ZGPAT: variants seen among roughly 807,000 people sequenced by gnomAD.
ZGPAT encodes zinc finger CCCH-type with G patch domain-containing protein.
A neutral mutation model predicts 47.9 loss-of-function variants in ZGPAT; 39 were observed. The observed-to-expected ratio is 0.81, with a 90% CI of 0.63 to 1.06. ZGPAT has a LOEUF of 1.06. Ranked by LOEUF, ZGPAT falls within the 50% of genes least tolerant of loss-of-function variation. The probability of loss-of-function intolerance (pLI) is 0.00; values close to 1 mark genes in which losing one functional copy is unlikely to be tolerated. For missense variants in ZGPAT, 717 were observed against 681.4 expected (o/e 1.05, Z -0.58); for synonymous variants, 348 against 292.9 (o/e 1.19, Z -1.92).
In ZGPAT at chr20:63,734,841, C is replaced by T; in HGVS notation, c.991+17C>T. 2 of 1,562,674 alleles carry T rather than the reference C, an allele frequency of 1.3e-6. No homozygotes were observed. The highest frequency in any genetic ancestry group is 1.7e-6 in the Non-Finnish European group (2 of 1,152,510). ...TTGGCAAGGGTGAGTACAAGCTGCC[C>T]TGGAGAAGTGGGCAGGCTGCTGCAG... is the stretch of plus-strand genomic sequence containing the variant. On this transcript the variant is annotated intron_variant, in intron 5 of 6. Coordinates refer to ENST00000355969, the MANE Select transcript of ZGPAT (RefSeq NM_181485.3).
At chr20:63,709,930 G>A (rs1461854144) in intron 2 of ZGPAT, among the ~76,000 whole-genome samples, 32 of 150,744 alleles carry the variant, frequency 2.1e-4, no homozygotes. Flanking sequence ...GCGTGATCTC[G>A]GCTCACTGCA....
At chr20:63,716,872 G>C (rs932536129) in intron 2 of ZGPAT, among the ~76,000 whole-genome samples, 1 of 152,126 alleles carries the variant, frequency 6.6e-6, no homozygotes, top group Non-Finnish European at 1.5e-5. Context: ...AGTAGAGATG[G>C]GATTTCACCA....
At chr20:63,733,969 G>A in intron 4 of ZGPAT, 1 of 584,572 alleles carries the variant, frequency 1.7e-6, no homozygotes, top group Admixed American at 3.4e-5. Flanking sequence ...GGAGGCCATG[G>A]TCGTGGCTGT....
intron 2 of ZGPAT, chr20:63,730,360 T>A (rs1429581108): frequency 6.6e-6 from 1 of 152,152 alleles, no homozygotes; most frequent in Non-Finnish European, 1.5e-5. Context: ...TGGGGAGGTG[T>A]ACGAGGCCAC....
chr20:63,711,655 A>G (rs1413006885), intron 2 of ZGPAT, among the ~76,000 whole-genome samples: 3 of 151,288 alleles, frequency 2.0e-5, no homozygotes, highest in East Asian at 3.9e-4. Context: ...CTAGAGTACA[A>G]TGGCATGACC....
intron 2 of ZGPAT, among the ~76,000 whole-genome samples, chr20:63,732,861 TATATGCGC>T (rs2091932995): frequency 6.6e-6 from 1 of 152,106 alleles, no homozygotes; most frequent in South Asian, 2.1e-4. Flanking sequence ...TGTACATGTG[TATATGCGC>T]GTGTGCGTAT....
chr20:63,734,201 T>TGTGTGC (rs749951682), intron 4 of ZGPAT: 9 of 265,272 alleles, frequency 3.4e-5, no homozygotes, highest in South Asian at 1.5e-4. Context: ...GAGGGGTGTG[T>TGTGTGC]GTATGCGTGT....
chr20:63,717,184 T>C (rs941292054), intron 2 of ZGPAT, among the ~76,000 whole-genome samples: 2 of 152,176 alleles, frequency 1.3e-5, no homozygotes, highest in Non-Finnish European at 2.9e-5. Flanking sequence ...GTTGCTGATC[T>C]CTATTGTTTT....
intron 2 of ZGPAT, among the ~76,000 whole-genome samples, chr20:63,713,475 C>T (rs1403476361): frequency 6.6e-6 from 1 of 151,748 alleles, no homozygotes; most frequent in African/African-American, 2.4e-5. Context: ...AGGTGATCTG[C>T]CTGCCTCGGC....
intron 2 of ZGPAT, among the ~76,000 whole-genome samples, chr20:63,713,381 C>A (rs1045775074): frequency 6.6e-6 from 1 of 151,936 alleles, no homozygotes; most frequent in Non-Finnish European, 1.5e-5. Context: ...CAGGTGCCTG[C>A]CACCACGCCC....
Position 63,708,797 on chromosome 20 carries a change from C to T in ZGPAT, c.217C>T (p.Arg73Cys). The change falls in exon 2 of 7, where the codon CGC becomes TGC. Residue 73 changes from arginine to cysteine, a missense_variant. Coordinates refer to ENST00000355969, the MANE Select transcript of ZGPAT (RefSeq NM_181485.3). ...CGCGCTGGACGAAGAGCGCCCGGGC[C>T]GCCAGGAAGATGCTGAGTACCAGGC... is the stretch of plus-strand genomic sequence containing the variant. Reference protein sequence around the residue: ...LAALDEERPGRQEDAEYQAFR... With the variant: ...LAALDEERPGCQEDAEYQAFR... 1 of 1,605,404 alleles carries T rather than the reference C, an allele frequency of 6.2e-7. No homozygotes were observed. The highest frequency in any genetic ancestry group is 8.5e-7 in the Non-Finnish European group (1 of 1,174,186).
At chr20:63,730,791 C>G (rs1173563721) in intron 2 of ZGPAT, among the ~76,000 whole-genome samples, 1 of 152,114 alleles carries the variant, frequency 6.6e-6, no homozygotes, top group Non-Finnish European at 1.5e-5. Flanking sequence ...CCCTCAGTTG[C>G]TTTTGTGGGG....
chr20:63,733,099 C>T (rs558380338), intron 2 of ZGPAT, 120 bp from the exon 3 acceptor site: 84 of 1,313,664 alleles, frequency 6.4e-5, no homozygotes, highest in South Asian at 4.4e-4. Flanking sequence ...TGTATGTATA[C>T]GCACGCGTGT....
At chr20:63,720,316 T>A (rs1370577250) in intron 2 of ZGPAT, among the ~76,000 whole-genome samples, 1 of 152,086 alleles carries the variant, frequency 6.6e-6, no homozygotes, top group African/African-American at 2.4e-5. Context: ...CCACCACTCC[T>A]GGCTAATTTT....
chr20:63,733,105 CGTGT>C (rs1046537977), intron 2 of ZGPAT, 110 bp from the exon 3 acceptor site: 5 of 1,387,608 alleles, frequency 3.6e-6, no homozygotes, highest in South Asian at 1.3e-5. Context: ...TATACGCACG[CGTGT>C]GTGTCTGTCT....
Position 63,708,079 on chromosome 20 carries a change from G to C in ZGPAT, c.-68G>C, listed in dbSNP as rs2091585332. 6.6e-6 allele frequency: 1 copy of C among 152,094 alleles called. No individual in the cohort carries two copies. Among genetic ancestry groups the C allele is most frequent in the African/African-American group, 2.4e-5 (1 of 41,438 alleles). 9.4% of individuals were successfully genotyped at this position (152,094 alleles called of 1,614,324 possible). A position where few individuals can be genotyped will look rare whatever the true frequency, so the allele number is the denominator to read the frequency against. ...GGCGCTCGGGAGGAAGTGCCGATCG[G>C]CTGCTGGGGCGAAAAGGGGGCGCCG... On this transcript the variant is annotated 5_prime_UTR_variant, in exon 1 of 7. Coordinates refer to ENST00000355969, the MANE Select transcript of ZGPAT (RefSeq NM_181485.3).
intron 2 of ZGPAT, among the ~76,000 whole-genome samples, chr20:63,710,005 C>T (rs1264269626): frequency 1.3e-5 from 2 of 151,900 alleles, no homozygotes; most frequent in African/African-American, 2.4e-5. Flanking sequence ...GGACTACAGG[C>T]GCCCGCCACC....
chr20:63,716,829 G>C (rs2091734221), intron 2 of ZGPAT, among the ~76,000 whole-genome samples: 1 of 152,078 alleles, frequency 6.6e-6, no homozygotes, highest in Non-Finnish European at 1.5e-5. Flanking sequence ...CTATAGGCGT[G>C]CACCACCACG....
At chr20:63,713,994 C>T (rs904241792) in intron 2 of ZGPAT, among the ~76,000 whole-genome samples, 1 of 151,796 alleles carries the variant, frequency 6.6e-6, no homozygotes, top group African/African-American at 2.4e-5. Context: ...TATATACAAT[C>T]ATATATATTC....
Sources: gnomAD v4.1 joint callset for allele counts (sites outside exome capture counted in the v4.1 genomes callset) on GRCh38, gnomAD v4.1.1 for gene constraint, MANE v1.5 for transcripts, NCBI Gene and HGNC (gene_info 2026-07-23, HGNC 2026-07-21) for gene names.